Variants in UGGT1 observed in about 807,000 individuals in gnomAD.
UGGT1 encodes UDP-glucose:glycoprotein glucosyltransferase 1.
A neutral mutation model predicts 203.9 loss-of-function variants in UGGT1; 107 were observed. The observed-to-expected ratio is 0.52, with a 90% CI of 0.45 to 0.62. UGGT1 has a LOEUF of 0.62. Among genes scored for constraint, UGGT1 ranks in the 20% least tolerant of loss-of-function variants. The pLI is 0.00. For synonymous variants in UGGT1, 628 were observed against 653.5 expected, an observed-to-expected ratio of 0.96 and a Z score of 0.59; for missense variants, 1,673 against 1,867.2, an observed-to-expected ratio of 0.90 and a Z score of 1.92.
intron 4 of UGGT1, among the ~76,000 whole-genome samples, chr2:128,108,685 ATAG>A (rs2105357830): frequency 6.6e-6 from 1 of 152,114 alleles, no homozygotes; most frequent in South Asian, 2.1e-4. Context: ...CAAAAAATAT[ATAG>A]TAATGGACTA....
chr2:128,103,800 A>G, intron 2 of UGGT1, 132 bp from the exon 3 acceptor site: 1 of 425,862 alleles, frequency 2.3e-6, no homozygotes, highest in South Asian at 5.0e-5. Flanking sequence ...ATAAAAGAGT[A>G]TTATATATTA....
chr2:128,183,896 C>A, intron 38 of UGGT1, 107 bp downstream of exon 38: 1 of 654,148 alleles, frequency 1.5e-6, no homozygotes, highest in Non-Finnish European at 2.6e-6. Flanking sequence ...AGGATGGCGT[C>A]TTGTTTTTTC....
intron 15 of UGGT1, among the ~76,000 whole-genome samples, chr2:128,137,486 C>T (rs1427542539): frequency 1.3e-5 from 2 of 152,212 alleles, no homozygotes; most frequent in African/African-American, 2.4e-5. Flanking sequence ...CAAAGATTTT[C>T]TGCCACTCTA....
chr2:128,128,315 C>CTTT (rs11453340), intron 12 of UGGT1, among the ~76,000 whole-genome samples: 30 of 141,124 alleles, frequency 2.1e-4, no homozygotes, highest in Middle Eastern at 7.4e-3. Flanking sequence ...TCCTTTCTAT[C>CTTT]TTTTTTTTTT....
chr2:128,154,981 G>C (rs1690157762), intron 19 of UGGT1, among the ~76,000 whole-genome samples: 2 of 152,210 alleles, frequency 1.3e-5, no homozygotes. Context: ...ACACTAATTG[G>C]AGAAGGGACA....
rs548925396 is a variant in UGGT1, at chr2:128,190,356, G to C, written c.*614G>C. On this transcript the variant is annotated 3_prime_UTR_variant, in exon 41 of 41. Coordinates refer to ENST00000259253, the MANE Select transcript of UGGT1 (RefSeq NM_020120.4). ...GCTGGGCAAATTAATTTTGGGCCAG[G>C]ATGGGGGTGGGTTGCAGTGAGGGTA... The C allele has an allele frequency of 1.3e-5, 2 of 152,480 alleles. No homozygotes were observed. Among genetic ancestry groups the C allele is most frequent in the African/African-American group, 4.8e-5 (2 of 41,578 alleles). The allele number at this position is 152,480 out of a possible 1,614,324, so 9.4% of individuals were successfully genotyped here.
At chr2:128,151,414 G>T (rs1455241602) in intron 18 of UGGT1, 1 of 365,740 alleles carries the variant, frequency 2.7e-6, no homozygotes. Context: ...GAACTCGATG[G>T]GCTTCTAATT....
chr2:128,117,509 A>G (rs1688163448), intron 8 of UGGT1, among the ~76,000 whole-genome samples: 1 of 151,476 alleles, frequency 6.6e-6, no homozygotes, highest in Admixed American at 6.6e-5. Flanking sequence ...TAAGCATCAT[A>G]GTATTTTATA....
intron 21 of UGGT1, 128 bp downstream of exon 21, chr2:128,156,543 T>A: frequency 9.8e-6 from 6 of 610,722 alleles, no homozygotes; most frequent in East Asian, 3.2e-5. Context: ...GGAAGCTATA[T>A]CAATGTAGAT....
intron 22 of UGGT1, among the ~76,000 whole-genome samples, chr2:128,158,273 G>A (rs1291418682): frequency 6.6e-6 from 1 of 152,122 alleles, no homozygotes; most frequent in Non-Finnish European, 1.5e-5. Context: ...TCAAATCATA[G>A]GACACACAGT....
At chr2:128,179,076 T>C (rs1345779640) in intron 34 of UGGT1, among the ~76,000 whole-genome samples, 2 of 152,060 alleles carry the variant, frequency 1.3e-5, no homozygotes, top group African/African-American at 4.8e-5. Flanking sequence ...TAGGGCTGCC[T>C]GATGTAGTGG....
At chr2:128,106,485 G>A (rs957732976) in intron 3 of UGGT1, among the ~76,000 whole-genome samples, 8 of 152,100 alleles carry the variant, frequency 5.3e-5, no homozygotes, top group Admixed American at 4.6e-4. Flanking sequence ...AGAGGATGCT[G>A]TTGCAGTATA....
intron 11 of UGGT1, among the ~76,000 whole-genome samples, chr2:128,124,747 G>A (rs996556855): frequency 2.7e-5 from 4 of 149,040 alleles, no homozygotes; most frequent in African/African-American, 9.8e-5. Context: ...TTTTCCTTTA[G>A]TTGTCAAATA....
rs144222766 is a variant in UGGT1 at position 128,152,835 on chromosome 2, A to G, written c.2068A>G (p.Asn690Asp). 1.3e-5 allele frequency: 21 copies of G among 1,613,672 alleles called. No individual in the cohort carries two copies. The African/African-American group carries it at 2.5e-4, about 19-fold the overall frequency. Reference protein sequence around the residue: ...DVVEYIMNQPNVVPRINSRIL... With the variant: ...DVVEYIMNQPDVVPRINSRIL... Reference sequence around the variant, plus strand: ...GGTAGAGTATATCATGAATCAGCCAAATGTTGTTCCACGAATCAATTCTAG... The same window carrying G: ...GGTAGAGTATATCATGAATCAGCCAGATGTTGTTCCACGAATCAATTCTAG... Residue 690 changes from asparagine to aspartate, a missense_variant, in exon 19 of 41, where the codon AAT becomes GAT. By Grantham distance (23) the Asn-to-Asp change is conservative. Around this residue, in one of 4 missense-constraint regions of UGGT1, gnomAD observed 1,073 missense variants for 1,078.7 expected, o/e 0.99. Coordinates refer to ENST00000259253, the MANE Select transcript of UGGT1 (RefSeq NM_020120.4).
At chr2:128,122,926 G>A (rs1231695094) in intron 10 of UGGT1, among the ~76,000 whole-genome samples, 1 of 152,088 alleles carries the variant, frequency 6.6e-6, no homozygotes, top group Non-Finnish European at 1.5e-5. Flanking sequence ...GAAATGGGGT[G>A]CATATGTTTT....
At chr2:128,167,584 C>T (rs1237355206) in intron 26 of UGGT1, among the ~76,000 whole-genome samples, 3 of 152,178 alleles carry the variant, frequency 2.0e-5, no homozygotes, top group Admixed American at 6.5e-5. Flanking sequence ...GGGGGATTCC[C>T]GTGTGCATTC....
chr2:128,126,164 G>T (rs1573535423), intron 11 of UGGT1, among the ~76,000 whole-genome samples: 1 of 150,092 alleles, frequency 6.7e-6, no homozygotes. Context: ...GGATGATCTC[G>T]ATCTCCTGAC....
intron 4 of UGGT1, 141 bp downstream of exon 4, chr2:128,108,209 A>C (rs1411251754): frequency 9.0e-7 from 1 of 1,113,906 alleles, no homozygotes; most frequent in East Asian, 2.6e-5. Flanking sequence ...ATTTTTAAAA[A>C]AAATAATAAG....
At chr2:128,160,409 A>G (rs1424335881) in intron 23 of UGGT1, 51 bp from the exon 24 acceptor site, 3 of 1,531,420 alleles carry the variant, frequency 2.0e-6, no homozygotes, top group Admixed American at 2.3e-5. Context: ...ATTTGTTTAT[A>G]TGGTTTGCTT....
Sources: allele counts gnomAD v4.1 joint callset (sites outside exome capture counted in the v4.1 genomes callset), GRCh38; gene constraint gnomAD v4.1.1; regional missense constraint gnomAD v4.1.1; transcripts MANE v1.5; gene names NCBI Gene and HGNC (gene_info 2026-07-23, HGNC 2026-07-21).